Variants in PLA2R1 observed in about 807,000 individuals in gnomAD.
PLA2R1 encodes phospholipase A2 receptor 1, also known as secretory phospholipase A2 receptor.
In PLA2R1, 158 loss-of-function variants were observed where a neutral mutation model predicts 195.9. That is an observed-to-expected ratio of 0.81 (90% CI 0.71 to 0.92). The LOEUF (loss-of-function observed/expected upper bound fraction) is 0.92, where lower values mean the gene tolerates loss of function less well. Among genes scored for constraint, PLA2R1 ranks in the 40% least tolerant of loss-of-function variants. The pLI is 0.00. For missense variants in PLA2R1, 1,626 were observed against 1,764.6 expected (o/e 0.92, Z 1.41); for synonymous variants, 586 against 598.2 (o/e 0.98, Z 0.30).
rs1686704466 is a variant in PLA2R1, at chr2:159,934,208, T to A, written c.*7570A>T. Reference sequence around the variant, plus strand: ...AGAACAAAATGGAAACTAAGTGAGTTTTTCCCTGCTGTACCCTATTAATAC... The same window carrying A: ...AGAACAAAATGGAAACTAAGTGAGTATTTCCCTGCTGTACCCTATTAATAC... On this transcript the variant is annotated 3_prime_UTR_variant, in exon 30 of 30. Transcript: ENST00000283243. 6.6e-6 allele frequency: 1 copy of A among 152,184 alleles called. No individual in the cohort carries two copies. Among genetic ancestry groups the A allele is most frequent in the African/African-American group, 2.4e-5 (1 of 41,422 alleles). 9.4% of individuals were successfully genotyped at this position (152,184 alleles called of 1,614,324 possible).
At chr2:160,047,510 G>A (rs2175416) in intron 1 of PLA2R1, among the ~76,000 whole-genome samples, 45,965 of 152,088 alleles carry the variant, frequency 0.3, 8,746 homozygotes, top group Non-Finnish European at 0.42. Context: ...GCAGCACACA[G>A]TGGGTGCAGA....
intron 24 of PLA2R1, among the ~76,000 whole-genome samples, chr2:159,950,622 T>C (rs1261080912): frequency 2.6e-5 from 4 of 152,194 alleles, no homozygotes; most frequent in Non-Finnish European, 5.9e-5. Flanking sequence ...TAAAGATATA[T>C]TAAATTAAAA....
intron 1 of PLA2R1, among the ~76,000 whole-genome samples, chr2:160,052,445 A>G (rs1339883423): frequency 2.6e-5 from 4 of 152,208 alleles, no homozygotes; most frequent in Non-Finnish European, 4.4e-5. Context: ...TATCTTACCA[A>G]TGAATTTTTA....
Position 159,941,782 on chromosome 2 carries a change from T to C in PLA2R1, c.4388A>G (p.Gln1463Arg). 2 of 1,543,768 alleles carry C rather than the reference T, an allele frequency of 1.3e-6. No individual in the cohort carries two copies. The highest frequency in any genetic ancestry group is 1.8e-6 in the Non-Finnish European group (2 of 1,116,670). The change falls in exon 30 of 30, where the codon CAA becomes CGA. Residue 1463 changes from glutamine (Q) to arginine (R), a missense_variant. Physicochemically the swap from Gln to Arg is conservative, Grantham distance 43. Coordinates refer to ENST00000283243, the MANE Select transcript of PLA2R1 (RefSeq NM_007366.5). ...TGGCATTCTCTGACCTCATTATTATTGGTCACTCTTCTCAAGATCAGAAAT... is the reference window on the plus strand; with the variant it reads ...TGGCATTCTCTGACCTCATTATTATCGGTCACTCTTCTCAAGATCAGAAAT... ...ILISDLEKSD[Q>R] is the part of the protein sequence containing the mutation.
intron 20 of PLA2R1, 96 bp downstream of exon 20, chr2:159,967,443 T>A: frequency 2.8e-6 from 3 of 1,081,822 alleles, no homozygotes; most frequent in South Asian, 1.7e-5. Flanking sequence ...TATGGACAAC[T>A]CACAGCTTTC....
At position 160,022,830 on chromosome 2, in the gene PLA2R1, G is replaced by T; in HGVS notation, c.1129C>A (p.His377Asn). ...EKDAWKYYAT[H>N]CEPGWNPYNR... ...TAGGGATTCCAGCCAGGCTCACAGT[G>T]GGTAGCATAATATTTCCACGCATCT... The change falls in exon 7 of 30, where the codon CAC becomes AAC. Residue 377 changes from histidine to asparagine, a missense_variant. Physicochemically the swap from His to Asn is moderately conservative, Grantham distance 68. Coordinates refer to ENST00000283243, the MANE Select transcript of PLA2R1 (RefSeq NM_007366.5). The T allele has an allele frequency of 2.5e-6, 4 of 1,604,358 alleles. No individual in the cohort carries two copies. The highest frequency in any genetic ancestry group is 2.5e-6 in the Non-Finnish European group (3 of 1,176,624).
intron 10 of PLA2R1, among the ~76,000 whole-genome samples, chr2:160,008,295 G>A (rs1692134440): frequency 6.6e-6 from 1 of 152,196 alleles, no homozygotes; most frequent in Non-Finnish European, 1.5e-5. Flanking sequence ...GATAGAGTGA[G>A]ACCCTGTCTC....
At chr2:159,952,672 T>C (rs181925999) in intron 23 of PLA2R1, among the ~76,000 whole-genome samples, 184 of 152,294 alleles carry the variant, frequency 1.2e-3, no homozygotes, top group African/African-American at 4.2e-3. Context: ...CTACAAGAGA[T>C]GATGAGGGTC....
At chr2:160,029,766 G>A (rs778975299) in intron 4 of PLA2R1, among the ~76,000 whole-genome samples, 1 of 151,942 alleles carries the variant, frequency 6.6e-6, no homozygotes, top group African/African-American at 2.4e-5. Flanking sequence ...GCAAAATTTC[G>A]GGGGGAAAAA....
At chr2:159,986,788 TG>T (rs1690374462) in intron 12 of PLA2R1, among the ~76,000 whole-genome samples, 1 of 152,048 alleles carries the variant, frequency 6.6e-6, no homozygotes, top group Non-Finnish European at 1.5e-5. Context: ...GATTTCACCA[TG>T]TTGGCCAGGC....
chr2:160,054,138 T>A (rs1695393205), intron 1 of PLA2R1, among the ~76,000 whole-genome samples: 1 of 152,072 alleles, frequency 6.6e-6, no homozygotes, highest in African/African-American at 2.4e-5. Flanking sequence ...GCACAATGGG[T>A]TTAATAGTAA....
intron 4 of PLA2R1, among the ~76,000 whole-genome samples, chr2:160,029,245 AC>A (rs1207915012): frequency 1.8e-4 from 28 of 152,338 alleles, no homozygotes; most frequent in African/African-American, 6.5e-4. Context: ...ATGGTTGCAT[AC>A]TTGAGGCCAT....
chr2:160,007,488 C>A (rs1385974977), intron 10 of PLA2R1, among the ~76,000 whole-genome samples: 3 of 152,256 alleles, frequency 2.0e-5, no homozygotes, highest in African/African-American at 7.2e-5. Flanking sequence ...AGACAAGCGG[C>A]TGGACATCCA....
chr2:160,021,287 A>T (rs1167189982), intron 7 of PLA2R1, among the ~76,000 whole-genome samples: 1 of 152,198 alleles, frequency 6.6e-6, no homozygotes, highest in Non-Finnish European at 1.5e-5. Context: ...ATATACCCAA[A>T]GGGAAAAAAA....
chr2:159,942,446 G>C (rs965453842), intron 28 of PLA2R1, among the ~76,000 whole-genome samples: 1 of 152,130 alleles, frequency 6.6e-6, no homozygotes, highest in African/African-American at 2.4e-5. Context: ...ATCGTTATTA[G>C]TGCTCACAAA....
intron 16 of PLA2R1, among the ~76,000 whole-genome samples, 192 bp downstream of exon 16, chr2:159,976,493 A>G (rs571064173): frequency 6.6e-6 from 1 of 152,326 alleles, no homozygotes; most frequent in East Asian, 1.9e-4. Context: ...AAAATGATTG[A>G]TGATACTAGT....
chr2:160,054,369 A>G (rs181107010), intron 1 of PLA2R1, among the ~76,000 whole-genome samples: 12 of 152,310 alleles, frequency 7.9e-5, no homozygotes, highest in African/African-American at 2.9e-4. Context: ...TCACTTTATA[A>G]ATATTAATAA....
intron 17 of PLA2R1, among the ~76,000 whole-genome samples, chr2:159,973,486 T>C (rs1232840509): frequency 6.7e-6 from 1 of 148,762 alleles, no homozygotes; most frequent in African/African-American, 2.5e-5. Flanking sequence ...TGGGGGTGTC[T>C]CATGAATGGG....
At chr2:159,924,280 C>T in the PLA2R1 span, among the ~76,000 whole-genome samples, 32 of 152,340 alleles carry the variant, frequency 2.1e-4, no homozygotes, top group Non-Finnish European at 4.0e-4. Context: ...ATTTCCTCAT[C>T]TCAACATCCT....
Sources: allele counts gnomAD v4.1 joint callset (sites outside exome capture counted in the v4.1 genomes callset), GRCh38; gene constraint gnomAD v4.1.1; transcripts MANE v1.5; gene names NCBI Gene and HGNC (gene_info 2026-07-23, HGNC 2026-07-21).